EML6: variants seen among roughly 807,000 people sequenced by gnomAD.
EML6 encodes the protein EMAP like 6, also known as echinoderm microtubule-associated protein-like 6.
In EML6, 154 loss-of-function variants were observed where a neutral mutation model predicts 240.1. The ratio of observed to expected loss-of-function variants is 0.64; its 90% CI spans 0.56 to 0.73. The LOEUF is 0.73. EML6 is among the 30% of genes least tolerant of loss of function. The pLI is 0.00. For synonymous variants in EML6, 1,148 were observed against 899.0 expected, an observed-to-expected ratio of 1.28 and a Z score of -4.95; for missense variants, 2,964 against 2,474.6, an observed-to-expected ratio of 1.20 and a Z score of -4.20.
At chr2:54,925,679 A>C (rs1253694456) in intron 26 of EML6, among the ~76,000 whole-genome samples, 4 of 152,082 alleles carry the variant, frequency 2.6e-5, no homozygotes, top group Non-Finnish European at 4.4e-5. Flanking sequence ...CCTTGTCCCA[A>C]CCTCCATGAG....
chr2:54,938,967 CCT>C (rs1473672987), intron 28 of EML6, among the ~76,000 whole-genome samples: 1 of 152,164 alleles, frequency 6.6e-6, no homozygotes, highest in Non-Finnish European at 1.5e-5. Context: ...GTAAAGCTCT[CCT>C]CTCCCAAGTA....
At chr2:54,855,069 G>A (rs1422700687) in intron 11 of EML6, among the ~76,000 whole-genome samples, 1 of 152,182 alleles carries the variant, frequency 6.6e-6, no homozygotes, top group Non-Finnish European at 1.5e-5. Flanking sequence ...CTGGAAAATA[G>A]CAATGGAAAT....
At chr2:54,851,982 A>G (rs1284350759) in intron 10 of EML6, among the ~76,000 whole-genome samples, 1 of 152,226 alleles carries the variant, frequency 6.6e-6, no homozygotes, top group African/African-American at 2.4e-5. Context: ...AGAATAGTCT[A>G]TTGAAATTTT....
chr2:54,797,177 A>AAAAAAAAAAAAAAAAAAAAAAAAAAAC (rs1669850770), intron 2 of EML6, among the ~76,000 whole-genome samples: 1 of 132,688 alleles, frequency 7.5e-6, no homozygotes, highest in Non-Finnish European at 1.6e-5. Context: ...AAAAAAAAAA[A>AAAAAAAAAAAAAAAAAAAAAAAAAAAC]AAAAAAAAAA....
chr2:54,892,383 A>C, intron 18 of EML6, 71 bp from the exon 19 acceptor site: 1 of 977,280 alleles, frequency 1.0e-6, no homozygotes, highest in Non-Finnish European at 1.6e-6. Context: ...TTCTCATGGA[A>C]GTAGTCCTTC....
chr2:54,827,519 A>G, intron 5 of EML6, 47 bp from the exon 6 acceptor site: 5 of 1,459,122 alleles, frequency 3.4e-6, no homozygotes, highest in Non-Finnish European at 4.7e-6. Context: ...AATGCAATAC[A>G]TCCGAATACT....
chr2:54,971,729 T>A lies in EML6; in HGVS notation c.*1634T>A, dbSNP rs1249706433. On this transcript the variant is annotated 3_prime_UTR_variant, in exon 42 of 42. Transcript: ENST00000356458. ...AGAGTGATAACCATGTCTGCCTATC[T>A]TGTACTAGACTCTTCATGCTGATCG... 8 of 152,226 alleles carry A rather than the reference T, an allele frequency of 5.3e-5. No homozygotes were observed. Among genetic ancestry groups the A allele is most frequent in the Admixed American group, 5.2e-4 (8 of 15,286 alleles). The allele number at this position is 152,226 out of a possible 1,614,324, so 9.4% of individuals were successfully genotyped here.
chr2:54,890,933 C>T, intron 17 of EML6, 121 bp from the exon 18 acceptor site: 1 of 472,104 alleles, frequency 2.1e-6, no homozygotes, highest in South Asian at 6.3e-5. Context: ...GGATTTTAAA[C>T]CATTTTCTAA....
At chr2:54,866,482 T>A (rs544614847) in intron 13 of EML6, among the ~76,000 whole-genome samples, 170 of 152,342 alleles carry the variant, frequency 1.1e-3, no homozygotes, top group African/African-American at 3.8e-3. Context: ...CTATTTTATT[T>A]ATATTTTACT....
intron 26 of EML6, among the ~76,000 whole-genome samples, chr2:54,919,027 T>C (rs935186523): frequency 6.6e-6 from 1 of 152,230 alleles, no homozygotes; most frequent in African/African-American, 2.4e-5. Flanking sequence ...CCGCTTTGTG[T>C]TTGATGCCAC....
chr2:54,899,005 T>A (rs1210988453), intron 21 of EML6, among the ~76,000 whole-genome samples: 1 of 152,244 alleles, frequency 6.6e-6, no homozygotes, highest in Non-Finnish European at 1.5e-5. Flanking sequence ...TAAGCACCTT[T>A]CAGTTTTTGA....
At chr2:54,788,064 C>G (rs1669182965) in intron 2 of EML6, among the ~76,000 whole-genome samples, 1 of 152,132 alleles carries the variant, frequency 6.6e-6, no homozygotes, top group Non-Finnish European at 1.5e-5. Flanking sequence ...AAATTAGACC[C>G]CCTCCCTTCG....
chr2:54,778,773 T>G (rs1668709802), intron 2 of EML6, among the ~76,000 whole-genome samples: 1 of 151,138 alleles, frequency 6.6e-6, no homozygotes. Context: ...GTGCCTGTAA[T>G]CCCAGCTACT....
intron 7 of EML6, among the ~76,000 whole-genome samples, chr2:54,840,353 T>C (rs932568142): frequency 1.3e-4 from 20 of 152,250 alleles, no homozygotes; most frequent in Non-Finnish European, 2.8e-4. Flanking sequence ...AGTTAAAATA[T>C]ATAACGTATC....
At chr2:54,932,979 G>A (rs967510373) in intron 28 of EML6, among the ~76,000 whole-genome samples, 3 of 152,190 alleles carry the variant, frequency 2.0e-5, no homozygotes, top group African/African-American at 7.2e-5. Context: ...TAAGTATGCA[G>A]GAGTGGGGCA....
chr2:54,968,325 G>A lies in EML6; in HGVS notation c.5751+44G>A, dbSNP rs767237770. On this transcript the variant is annotated intron_variant, in intron 40 of 41. Transcript: ENST00000356458. ...AACCTCCCTGCAGGTTCTCTGTTTG[G>A]CCGTCTGCAGGAGATAGGGGCCACG... The A allele has an allele frequency of 4.5e-6, 7 of 1,543,512 alleles. No individual in the cohort carries two copies. In the East Asian group the frequency reaches 1.2e-4, roughly 27 times the overall value.
chr2:54,789,993 C>T (rs1204016220), intron 2 of EML6, among the ~76,000 whole-genome samples: 6 of 152,166 alleles, frequency 3.9e-5, no homozygotes, highest in Middle Eastern at 3.4e-3. Context: ...TTTTGCAATG[C>T]GTATATGTGT....
In EML6 at chr2:54,725,327, C is replaced by T. The variant is rs1168262452; in HGVS notation, c.197+69C>T. On this transcript the variant is annotated intron_variant, in intron 2 of 41. Transcript: ENST00000356458. This position sits in a 1 kb window ranked among gnomAD's most constrained non-coding sequence, Gnocchi z 4.3. ...GGCTGGGAAGGTGGGAAGCGGTTGA[C>T]CTGGGGTCGGATCCGGGAGCCCCGT... The T allele has an allele frequency of 8.2e-7, 1 of 1,222,448 alleles. No individual in the cohort carries two copies. Among genetic ancestry groups the T allele is most frequent in the Non-Finnish European group, 1.1e-6 (1 of 919,498 alleles). 75.7% of individuals were successfully genotyped at this position (1,222,448 alleles called of 1,614,324 possible).
intron 12 of EML6, among the ~76,000 whole-genome samples, chr2:54,862,162 C>A (rs1431202576): frequency 6.6e-6 from 1 of 151,298 alleles, no homozygotes; most frequent in African/African-American, 2.4e-5. Flanking sequence ...CATGGTGAAA[C>A]ACCCTGTCTC....
Sources: gnomAD v4.1 joint callset for allele counts (sites outside exome capture counted in the v4.1 genomes callset) on GRCh38, gnomAD v4.1.1 for gene constraint, Gnocchi (gnomAD v3.1) non-coding constraint, MANE v1.5 for transcripts, NCBI Gene and HGNC (gene_info 2026-07-23, HGNC 2026-07-21) for gene names.